The following IPO11 variants were observed in gnomAD, a reference collection of about 807,000 sequenced individuals.
The protein encoded by IPO11 is importin 11, also known as importin-11.
Under a neutral mutation model 143.2 loss-of-function variants are expected in IPO11, and 66 were observed. That is an observed-to-expected ratio of 0.46 (90% CI 0.38 to 0.57). IPO11 has a LOEUF of 0.57. IPO11 is among the 20% of genes least tolerant of loss of function. The pLI is 0.00. For synonymous variants in IPO11, 385 were observed against 377.8 expected (o/e 1.02, Z -0.22); for missense variants, 1,026 against 1,141.0 (o/e 0.90, Z 1.45).
At chr5:62,599,384 G>A (rs1253189503) in intron 28 of IPO11, among the ~76,000 whole-genome samples, 2 of 152,158 alleles carry the variant, frequency 1.3e-5, no homozygotes, top group Admixed American at 6.5e-5. Context: ...ATACCCTGAA[G>A]TAGAGAAAAG....
At chr5:62,536,874 A>T in intron 23 of IPO11, 93 bp downstream of exon 23, 1 of 1,231,348 alleles carries the variant, frequency 8.1e-7, no homozygotes. Context: ...AAATTTTAAG[A>T]TTGGTCTGTT....
In IPO11 at chr5:62,470,270, A is replaced by G; in HGVS notation, c.670A>G (p.Asn224Asp). 6.2e-7 allele frequency: 1 copy of G among 1,613,846 alleles called. No homozygotes were observed. Among genetic ancestry groups the G allele is most frequent in the Non-Finnish European group, 8.5e-7 (1 of 1,179,848 alleles). ...SLKVLRKLTV[N>D]GFVEPHKNME... ...TTCAGTGCTGCGTAAGTTAACTGTT[A>G]ATGGATTTGTGGAACCTCATAAGAA... Residue 224 changes from asparagine to aspartate, a missense_variant, in exon 7 of 30, where the codon AAT becomes GAT. Around this residue, in one of 5 missense-constraint regions of IPO11, gnomAD observed 429 missense variants for 456.3 expected, o/e 0.94. Transcript: ENST00000325324.
chr5:62,506,506 C>T, intron 19 of IPO11, 149 bp downstream of exon 19: 1 of 483,938 alleles, frequency 2.1e-6, no homozygotes, highest in Non-Finnish European at 3.7e-6. Context: ...ATGTATTATT[C>T]AAAATTGACA....
chr5:62,439,396 C>T (rs1284744248), intron 2 of IPO11, among the ~76,000 whole-genome samples: 4 of 146,542 alleles, frequency 2.7e-5, no homozygotes, highest in African/African-American at 5.1e-5. Flanking sequence ...ATGCCATTCT[C>T]GTGCCTCAGC....
chr5:62,498,993 A>C (rs1053837586), intron 16 of IPO11, among the ~76,000 whole-genome samples: 16 of 152,370 alleles, frequency 1.1e-4, no homozygotes, highest in African/African-American at 3.8e-4. Context: ...CCTATGTAAG[A>C]TATAAACTGT....
intron 2 of IPO11, among the ~76,000 whole-genome samples, chr5:62,438,852 G>T (rs972811027): frequency 6.6e-6 from 1 of 151,982 alleles, no homozygotes; most frequent in Non-Finnish European, 1.5e-5. Flanking sequence ...GTGACCAGGA[G>T]ATTGAGACCA....
intron 29 of IPO11, among the ~76,000 whole-genome samples, chr5:62,622,819 G>A (rs759084986): frequency 2.6e-5 from 4 of 152,158 alleles, no homozygotes; most frequent in East Asian, 1.9e-4. Context: ...ATGTATATAC[G>A]GTTATTTTTA....
At chr5:62,548,897 T>A (rs924092343) in intron 24 of IPO11, among the ~76,000 whole-genome samples, 8 of 152,074 alleles carry the variant, frequency 5.3e-5, no homozygotes, top group African/African-American at 1.7e-4. Flanking sequence ...CCTCTTAAAA[T>A]TTTTTTTCTG....
chr5:62,571,764 C>T lies in IPO11; in HGVS notation c.2582+10507C>T, dbSNP rs1046405264. On this transcript the variant is annotated intron_variant, in intron 27 of 29. Coordinates refer to ENST00000325324, the MANE Select transcript of IPO11 (RefSeq NM_016338.5). Reference sequence around the variant, plus strand: ...ACAGTGGCACAATCTCAGCTCACTGCAACCTCCGCCTCCCGGGTTCAAGTT... The same window carrying T: ...ACAGTGGCACAATCTCAGCTCACTGTAACCTCCGCCTCCCGGGTTCAAGTT... Among the ~76,000 whole-genome samples the T allele has an allele frequency of 2.6e-4, 39 of 151,770 alleles. 2 individuals carry two copies. The Middle Eastern group carries it at 0.01, about 40-fold the overall frequency.
intron 27 of IPO11, among the ~76,000 whole-genome samples, chr5:62,568,978 A>G (rs151107474): frequency 1.1e-4 from 16 of 152,288 alleles, no homozygotes; most frequent in African/African-American, 3.8e-4. Context: ...AGAGTGCCCT[A>G]AGGCCAGGTG....
intron 27 of IPO11, among the ~76,000 whole-genome samples, chr5:62,585,476 A>G (rs971102990): frequency 6.6e-6 from 1 of 152,314 alleles, no homozygotes; most frequent in Non-Finnish European, 1.5e-5. Context: ...AGTGTTAATC[A>G]AAGATAGCCT....
intron 19 of IPO11, among the ~76,000 whole-genome samples, chr5:62,509,284 G>A (rs1007115721): frequency 3.3e-5 from 5 of 152,268 alleles, no homozygotes; most frequent in South Asian, 2.1e-4. Flanking sequence ...ATACTCTGTT[G>A]AAAATTTTAT....
At chr5:62,607,953 A>T (rs1745787337) in intron 29 of IPO11, among the ~76,000 whole-genome samples, 1 of 152,088 alleles carries the variant, frequency 6.6e-6, no homozygotes. Context: ...AGTAGCTGGG[A>T]TTACAGGTGT....
rs1170976964 is a variant in IPO11, at chr5:62,515,522, G to GT, written c.1896+28dup. 4.7e-6 allele frequency: 7 copies of GT among 1,489,280 alleles called. No individual in the cohort carries two copies. In the East Asian group the frequency reaches 9.4e-5, roughly 20 times the overall value. 92.3% of individuals were successfully genotyped at this position (1,489,280 alleles called of 1,614,324 possible). ...TTCAGGTAAGTCACTTCTCCACAGA[G>GT]TTTTTTTAGTTTAGTGGTTTTTAAA... On this transcript the variant is annotated intron_variant, in intron 20 of 29. Transcript: ENST00000325324.
intron 16 of IPO11, among the ~76,000 whole-genome samples, chr5:62,496,967 A>G (rs1172323816): frequency 6.6e-6 from 1 of 152,192 alleles, no homozygotes; most frequent in East Asian, 1.9e-4. Context: ...GTCCTATACT[A>G]ACTGGAGAAG....
chr5:62,439,126 C>G (rs548592567), intron 2 of IPO11, among the ~76,000 whole-genome samples: 35 of 151,322 alleles, frequency 2.3e-4, no homozygotes, highest in African/African-American at 8.2e-4. Context: ...TGAATATGCT[C>G]TATAATTAGT....
intron 5 of IPO11, among the ~76,000 whole-genome samples, chr5:62,456,513 G>T (rs141171966): frequency 2.6e-5 from 4 of 152,338 alleles, no homozygotes; most frequent in Non-Finnish European, 4.4e-5. Context: ...GCATAGTGCA[G>T]TGGCACAAAC....
intron 19 of IPO11, among the ~76,000 whole-genome samples, chr5:62,512,683 T>C (rs1337841569): frequency 1.4e-5 from 2 of 139,302 alleles, no homozygotes; most frequent in Admixed American, 7.2e-5. Context: ...AGGACACTAG[T>C]GGAGGGAAGG....
At chr5:62,469,146 G>C (rs1190397547) in intron 6 of IPO11, among the ~76,000 whole-genome samples, 1 of 152,154 alleles carries the variant, frequency 6.6e-6, no homozygotes, top group African/African-American at 2.4e-5. Context: ...AAGTTAACTA[G>C]GTGATGAAGG....
Sources: gnomAD v4.1 joint callset for allele counts (sites outside exome capture counted in the v4.1 genomes callset) on GRCh38, gnomAD v4.1.1 for gene constraint, gnomAD v4.1.1 regional missense constraint, MANE v1.5 for transcripts, NCBI Gene and HGNC (gene_info 2026-07-23, HGNC 2026-07-21) for gene names.